Variants in CNGB3 observed in about 807,000 individuals in gnomAD.
The protein encoded by CNGB3 is cyclic nucleotide gated channel subunit beta 3.
A neutral mutation model predicts 92.8 loss-of-function variants in CNGB3; 86 were observed. The ratio of observed to expected loss-of-function variants is 0.93; its 90% CI spans 0.78 to 1.11. The LOEUF (loss-of-function observed/expected upper bound fraction) is 1.11, where lower values mean the gene tolerates loss of function less well. Among genes scored for constraint, CNGB3 ranks in the 50% least tolerant of loss-of-function variants. The pLI is 0.00. For missense variants in CNGB3, 1,026 were observed against 956.8 expected (o/e 1.07, Z -0.95); for synonymous variants, 333 against 332.7 (o/e 1.00, Z -0.01).
At chr8:86,712,241 G>C (rs1824763860) in intron 3 of CNGB3, among the ~76,000 whole-genome samples, 1 of 152,054 alleles carries the variant, frequency 6.6e-6, no homozygotes, top group South Asian at 2.1e-4. Context: ...ATACTTTGCT[G>C]ATTCTTTCTT....
intron 3 of CNGB3, among the ~76,000 whole-genome samples, chr8:86,709,667 C>T (rs1273232758): frequency 3.3e-5 from 5 of 151,978 alleles, no homozygotes; most frequent in Non-Finnish European, 7.4e-5. Context: ...GTACAACAAA[C>T]TGTCCTGATA....
intron 14 of CNGB3, among the ~76,000 whole-genome samples, chr8:86,610,868 C>T (rs79798327): frequency 0.02 from 2,974 of 152,146 alleles, 90 homozygotes; most frequent in African/African-American, 0.068. Flanking sequence ...GAAAATTGAT[C>T]CTGATACATC....
chr8:86,581,399 C>A (rs1418059646), intron 15 of CNGB3, among the ~76,000 whole-genome samples: 1 of 152,156 alleles, frequency 6.6e-6, no homozygotes, highest in East Asian at 1.9e-4. Flanking sequence ...GTGGGATTTA[C>A]CACCAGGAAC....
At chr8:86,583,573 A>G (rs1248422629) in intron 15 of CNGB3, among the ~76,000 whole-genome samples, 1 of 152,158 alleles carries the variant, frequency 6.6e-6, no homozygotes, top group Non-Finnish European at 1.5e-5. Context: ...AAACTTGGCC[A>G]CTTACCTGCA....
intron 10 of CNGB3, among the ~76,000 whole-genome samples, chr8:86,639,598 C>T (rs1823141120): frequency 1.3e-5 from 2 of 151,972 alleles, no homozygotes; most frequent in East Asian, 1.9e-4. Context: ...GTCACCAGGA[C>T]CATCACAAGG....
intron 3 of CNGB3, among the ~76,000 whole-genome samples, chr8:86,694,546 G>T (rs1259083574): frequency 1.3e-5 from 2 of 151,694 alleles, no homozygotes; most frequent in African/African-American, 4.8e-5. Context: ...TCTCAGACGG[G>T]GTGGTTGCCA....
At chr8:86,716,119 A>G (rs1824848842) in intron 3 of CNGB3, among the ~76,000 whole-genome samples, 2 of 152,130 alleles carry the variant, frequency 1.3e-5, no homozygotes. Context: ...TCGAACAAGC[A>G]GGAGAAAGAA....
intron 3 of CNGB3, among the ~76,000 whole-genome samples, chr8:86,686,139 A>G (rs1824183823): frequency 6.6e-6 from 1 of 152,094 alleles, no homozygotes; most frequent in African/African-American, 2.4e-5. Context: ...CCTGATGAAC[A>G]TTGTCATCAA....
At position 86,575,911 on chromosome 8, in the gene CNGB3, A is replaced by C. The variant is rs1273585908; in HGVS notation, c.2323T>G (p.Leu775Val). Residue 775 changes from leucine (L) to valine (V), a missense_variant, in exon 18 of 18, where the codon TTA (leucine) becomes GTA (valine). Coordinates refer to ENST00000320005, the MANE Select transcript of CNGB3 (RefSeq NM_019098.5). ...GATTGACGAGAAGTCCCTCTGGGTAAAACTGTCCTTCTAACTGAGTGGGGT... is the reference window on the plus strand; with the variant it reads ...GATTGACGAGAAGTCCCTCTGGGTACAACTGTCCTTCTAACTGAGTGGGGT... ...EEPHSVRRTV[L>V]PRGTSRQSLI... 1 of 1,613,786 alleles carries C rather than the reference A, an allele frequency of 6.2e-7. No homozygotes were observed. Among genetic ancestry groups the C allele is most frequent in the Non-Finnish European group, 8.5e-7 (1 of 1,179,980 alleles).
intron 15 of CNGB3, among the ~76,000 whole-genome samples, chr8:86,600,421 G>T (rs1822268858): frequency 6.6e-6 from 1 of 152,098 alleles, no homozygotes; most frequent in Non-Finnish European, 1.5e-5. Flanking sequence ...GCCATAAGGG[G>T]ACCCAAATAT....
At chr8:86,586,694 C>T (rs1475691844) in intron 15 of CNGB3, among the ~76,000 whole-genome samples, 1 of 150,944 alleles carries the variant, frequency 6.6e-6, no homozygotes, top group Non-Finnish European at 1.5e-5. Flanking sequence ...GCATAGTATT[C>T]CATGGTGTAT....
At chr8:86,720,817 TA>T (rs1051747866) in intron 3 of CNGB3, among the ~76,000 whole-genome samples, 23 of 19,654 alleles carry the variant, frequency 1.2e-3, no homozygotes, top group Non-Finnish European at 1.5e-3. Context: ...CCATGGCATA[TA>T]TATATATATA....
chr8:86,580,491 C>T (rs550253194), intron 15 of CNGB3, among the ~76,000 whole-genome samples: 14 of 152,308 alleles, frequency 9.2e-5, no homozygotes, highest in Non-Finnish European at 1.5e-4. Flanking sequence ...TGAATCCAAT[C>T]TCATCTCCTA....
At chr8:86,665,961 G>A (rs1823733451) in intron 6 of CNGB3, among the ~76,000 whole-genome samples, 3 of 152,174 alleles carry the variant, frequency 2.0e-5, no homozygotes, top group African/African-American at 7.2e-5. Context: ...AAGTGTCCAG[G>A]CCTAAAACCC....
chr8:86,610,479 ATTT>A (rs1359873066), intron 14 of CNGB3, among the ~76,000 whole-genome samples: 1 of 151,682 alleles, frequency 6.6e-6, no homozygotes, highest in Non-Finnish European at 1.5e-5. Context: ...ACTCCAATTC[ATTT>A]TTCAAGACTT....
At chr8:86,592,879 T>C (rs1822077390) in intron 15 of CNGB3, among the ~76,000 whole-genome samples, 1 of 152,194 alleles carries the variant, frequency 6.6e-6, no homozygotes, top group South Asian at 2.1e-4. Flanking sequence ...CTTTCATCTT[T>C]GTCAACATTA....
At position 86,604,118 on chromosome 8, in the gene CNGB3, C is replaced by T. The variant is rs186974377; in HGVS notation, c.1756G>A (p.Ala586Thr). The change falls in exon 15 of 18, where the codon GCT becomes ACT. Residue 586 changes from alanine (A) to threonine (T), a missense_variant. Transcript: ENST00000320005. Reference sequence around the variant, plus strand: ...CTGATTTCTCCAAACACCGACCCAGCTTTCAGAGTAACCAGAACTTTAGTA... The same window carrying T: ...CTGATTTCTCCAAACACCGACCCAGTTTTCAGAGTAACCAGAACTTTAGTA... Reference protein sequence around the residue: ...DGTKVLVTLKAGSVFGEISLL... With the variant: ...DGTKVLVTLKTGSVFGEISLL... The T allele has an allele frequency of 6.2e-7, 1 of 1,612,936 alleles. No homozygotes were observed. Among genetic ancestry groups the T allele is most frequent in the African/African-American group, 1.3e-5 (1 of 75,016 alleles).
intron 6 of CNGB3, chr8:86,659,317 G>A: frequency 8.7e-7 from 1 of 1,147,088 alleles, no homozygotes; most frequent in Admixed American, 1.7e-5. Context: ...AGCTGTGCCT[G>A]CTCCTCCATG....
At position 86,698,018 on chromosome 8, in the gene CNGB3, C is replaced by T. The variant is rs190348381; in HGVS notation, c.339-26920G>A. 2.6e-3 allele frequency among the ~76,000 whole-genome samples: 390 copies of T among 152,268 alleles called. 2 individuals carry two copies. The highest frequency in any genetic ancestry group is 2.5e-3 in the Non-Finnish European group (173 of 68,026). ...AGTATTCCATGGTGTATACGTGCCA[C>T]GTTTTCTTAATCCAGTCTATCATTG... On this transcript the variant is annotated intron_variant, in intron 3 of 17. Transcript: ENST00000320005.
Sources: allele counts gnomAD v4.1 joint callset (sites outside exome capture counted in the v4.1 genomes callset), GRCh38; gene constraint gnomAD v4.1.1; transcripts MANE v1.5; gene names NCBI Gene and HGNC (gene_info 2026-07-23, HGNC 2026-07-21).